Variants in EML5 observed in about 807,000 individuals in gnomAD.
EML5 encodes the protein EMAP like 5.
EML5 carries 120 observed loss-of-function variants against 250.0 expected under a neutral mutation model. The ratio of observed to expected loss-of-function variants is 0.48; its 90% confidence interval spans 0.41 to 0.56. The LOEUF is 0.56. Ranked by LOEUF, EML5 falls within the 20% of genes least tolerant of loss-of-function variation. The pLI is 0.00. For missense variants in EML5, 2,006 were observed against 2,437.6 expected, an observed-to-expected ratio of 0.82 and a Z score of 3.73; for synonymous variants, 771 against 806.5, an observed-to-expected ratio of 0.96 and a Z score of 0.75.
chr14:88,779,478 T>A (rs576961182), intron 1 of EML5, among the ~76,000 whole-genome samples: 1 of 152,242 alleles, frequency 6.6e-6, no homozygotes, highest in Admixed American at 6.5e-5. Context: ...TTCATTTACA[T>A]CATCCCCAAG....
At chr14:88,727,400 C>CCT (rs1346229627) in intron 7 of EML5, among the ~76,000 whole-genome samples, 1 of 113,604 alleles carries the variant, frequency 8.8e-6, no homozygotes, top group Non-Finnish European at 1.7e-5. Context: ...TGATACACTG[C>CCT]ATTTTTTTTT....
At chr14:88,655,993 ACAG>A (rs1208446005) in intron 27 of EML5, among the ~76,000 whole-genome samples, 1 of 152,250 alleles carries the variant, frequency 6.6e-6, no homozygotes, top group Admixed American at 6.5e-5. Flanking sequence ...ATGTGGAGAA[ACAG>A]CAATGCTTTT....
At chr14:88,673,005 G>GA in intron 21 of EML5, among the ~76,000 whole-genome samples, 1 of 151,662 alleles carries the variant, frequency 6.6e-6, no homozygotes, top group East Asian at 2.0e-4. Context: ...CCAAACAGCT[G>GA]AAAAAAAGGG....
intron 19 of EML5, among the ~76,000 whole-genome samples, chr14:88,686,018 T>C (rs1479438254): frequency 1.3e-5 from 2 of 152,026 alleles, no homozygotes; most frequent in Non-Finnish European, 2.9e-5. Context: ...ACTCAACTCA[T>C]ACCCTTACAG....
Position 88,657,382 on chromosome 14 carries a change from T to C in EML5, c.3998A>G (p.Asp1333Gly), listed in dbSNP as rs775540205. Residue 1333 changes from aspartate to glycine, a missense_variant, in exon 27 of 44, where the codon GAT becomes GGT. This residue lies in a region of EML5 where 1,375 missense variants were observed against 1,590.3 expected (regional missense o/e 0.86). Transcript: ENST00000554922. ...PHLQQKEPSI[D>G]ERQGVVRGSR... ...TACTAAACTAAATTATTACCTTTCATCAATTGAGGGTTCTTTTTGTTGTAA... is the reference window on the plus strand; with the variant it reads ...TACTAAACTAAATTATTACCTTTCACCAATTGAGGGTTCTTTTTGTTGTAA... The C allele has an allele frequency of 6.4e-7, 1 of 1,567,010 alleles. No individual in the cohort carries two copies. The highest frequency in any genetic ancestry group is 1.9e-5 in the Admixed American group (1 of 52,736).
intron 7 of EML5, among the ~76,000 whole-genome samples, chr14:88,732,034 T>C (rs1366741057): frequency 6.6e-6 from 1 of 152,200 alleles, no homozygotes; most frequent in East Asian, 1.9e-4. Flanking sequence ...ACTCTGATGG[T>C]AGTTTCTTTT....
chr14:88,686,443 C>A (rs1300817147), intron 19 of EML5, among the ~76,000 whole-genome samples: 4 of 151,760 alleles, frequency 2.6e-5, no homozygotes, highest in East Asian at 1.9e-4. Flanking sequence ...GAAAATGCAC[C>A]CTCTGGGCCC....
chr14:88,740,039 T>C (rs2093902118), intron 5 of EML5, among the ~76,000 whole-genome samples: 1 of 152,170 alleles, frequency 6.6e-6, no homozygotes. Context: ...AAAATTTAAT[T>C]GCCTCTGGTA....
At chr14:88,616,912 G>A (rs1299954168) in intron 41 of EML5, 33 bp from the exon 42 acceptor site, 2 of 1,602,314 alleles carry the variant, frequency 1.2e-6, no homozygotes, top group African/African-American at 2.7e-5. Flanking sequence ...AACTCATCAT[G>A]GCAAGTGCGG....
chr14:88,645,171 G>A (rs899506031), intron 29 of EML5, among the ~76,000 whole-genome samples: 8 of 151,414 alleles, frequency 5.3e-5, no homozygotes, highest in African/African-American at 1.2e-4. Flanking sequence ...AACAACAAGC[G>A]TGCACCACCA....
chr14:88,657,646 AC>A, intron 26 of EML5, 144 bp from the exon 27 acceptor site: 2 of 684,768 alleles, frequency 2.9e-6, no homozygotes, highest in Non-Finnish European at 4.4e-6. Flanking sequence ...ACCAGAAAAA[AC>A]GATGTAGAAG....
intron 42 of EML5, 108 bp from the exon 43 acceptor site, chr14:88,616,350 G>A: frequency 9.4e-7 from 1 of 1,067,030 alleles, no homozygotes; most frequent in Non-Finnish European, 1.4e-6. Context: ...AGAGTAGGGA[G>A]TTAGCACCGC....
At chr14:88,660,605 T>C (rs1421775181) in intron 25 of EML5, among the ~76,000 whole-genome samples, 1 of 151,792 alleles carries the variant, frequency 6.6e-6, no homozygotes, top group East Asian at 1.9e-4. Context: ...TAGCTGGGCA[T>C]GGTGGTGCGC....
intron 28 of EML5, among the ~76,000 whole-genome samples, chr14:88,648,826 T>C (rs2091478915): frequency 6.6e-6 from 1 of 152,120 alleles, no homozygotes; most frequent in Admixed American, 6.6e-5. Flanking sequence ...TAAAATAGTA[T>C]AAGATTTTAT....
In EML5 at chr14:88,745,601, T is replaced by C. The variant is rs142467019; in HGVS notation, c.456+584A>G. On this transcript the variant is annotated intron_variant, in intron 3 of 43. Coordinates refer to ENST00000554922, the MANE Select transcript of EML5 (RefSeq NM_183387.3). Reference sequence around the variant, plus strand: ...TTTCACCTTAACCATAATACATATGTAACAAATTAGTGGTAAACCAAACTA... The same window carrying C: ...TTTCACCTTAACCATAATACATATGCAACAAATTAGTGGTAAACCAAACTA... 6.1e-4 allele frequency among the ~76,000 whole-genome samples: 93 copies of C among 152,262 alleles called. 1 individual carries two copies. In the East Asian group the frequency reaches 0.016, roughly 26 times the overall value.
intron 1 of EML5, among the ~76,000 whole-genome samples, chr14:88,772,737 G>A (rs1385145254): frequency 2.6e-5 from 4 of 151,764 alleles, no homozygotes; most frequent in Admixed American, 2.6e-4. Context: ...TGGGCGACAG[G>A]GCAAGACTCC....
chr14:88,632,028 G>C (rs2090466681), intron 33 of EML5, among the ~76,000 whole-genome samples: 1 of 151,986 alleles, frequency 6.6e-6, no homozygotes, highest in Non-Finnish European at 1.5e-5. Flanking sequence ...TCTTATATTT[G>C]TACAAGAAAG....
chr14:88,764,362 A>G (rs1173361905), intron 1 of EML5, among the ~76,000 whole-genome samples: 2 of 152,166 alleles, frequency 1.3e-5, no homozygotes, highest in East Asian at 3.9e-4. Flanking sequence ...ATATCTTTTG[A>G]GGGAATAGTT....
intron 21 of EML5, among the ~76,000 whole-genome samples, chr14:88,675,517 C>T (rs759622384): frequency 1.3e-5 from 2 of 152,190 alleles, no homozygotes; most frequent in Admixed American, 6.5e-5. Context: ...TAGAGGGGCC[C>T]GTGGCCTGGC....
Sources: gnomAD v4.1 joint callset for allele counts (sites outside exome capture counted in the v4.1 genomes callset) on GRCh38, gnomAD v4.1.1 for gene constraint, gnomAD v4.1.1 regional missense constraint, MANE v1.5 for transcripts, NCBI Gene and HGNC (gene_info 2026-07-23, HGNC 2026-07-21) for gene names.